The following DNAH10 variants were observed in gnomAD, a reference collection of about 807,000 sequenced individuals.
DNAH10 encodes dynein axonemal heavy chain 10.
DNAH10 carries 348 observed loss-of-function variants against 506.6 expected under a neutral mutation model. The ratio of observed to expected loss-of-function variants is 0.69; its 90% CI spans 0.63 to 0.75. The LOEUF is 0.75. Among genes scored for constraint, DNAH10 ranks in the 30% least tolerant of loss-of-function variants. The probability of loss-of-function intolerance (pLI) is 0.00; values close to 1 mark genes in which losing one functional copy is unlikely to be tolerated. For synonymous variants in DNAH10, 2,059 were observed against 2,198.6 expected (o/e 0.94, Z 1.78); for missense variants, 5,179 against 5,787.1 (o/e 0.89, Z 3.41).
At chr12:123,892,094 G>A (rs1953008892) in intron 52 of DNAH10, among the ~76,000 whole-genome samples, 1 of 152,248 alleles carries the variant, frequency 6.6e-6, no homozygotes, top group Non-Finnish European at 1.5e-5. Flanking sequence ...AGTCAGCATA[G>A]AATACGTTGC....
intron 18 of DNAH10, among the ~76,000 whole-genome samples, chr12:123,807,368 G>A (rs1482423478): frequency 2.0e-5 from 3 of 152,182 alleles, no homozygotes; most frequent in Admixed American, 6.5e-5. Context: ...TAAAAGAGAT[G>A]AGTTCTGTAA....
At chr12:123,782,449 G>A (rs1296277900) in intron 6 of DNAH10, among the ~76,000 whole-genome samples, 10 of 121,932 alleles carry the variant, frequency 8.2e-5, no homozygotes, top group Admixed American at 2.0e-4. Flanking sequence ...TCACTCTGCC[G>A]CCCAGGCTGG....
intron 74 of DNAH10, 22 bp downstream of exon 74, chr12:123,931,494 T>C (rs777457681): frequency 6.2e-7 from 1 of 1,611,328 alleles, no homozygotes; most frequent in East Asian, 2.2e-5. Flanking sequence ...TCAGGAGGAC[T>C]TCATTAGTTT....
chr12:123,762,618 G>C lies in DNAH10; in HGVS notation c.214+68G>C, dbSNP rs913836272. 6.9e-7 allele frequency: 1 copy of C among 1,459,372 alleles called. No homozygotes were observed. The highest frequency in any genetic ancestry group is 1.4e-5 in the African/African-American group (1 of 69,328). The allele number at this position is 1,459,372 out of a possible 1,614,324, so 90.4% of individuals were successfully genotyped here. On this transcript the variant is annotated intron_variant, in intron 1 of 78. Coordinates refer to ENST00000673944, the MANE Select transcript of DNAH10 (RefSeq NM_001372106.1). This position sits in a 1 kb window ranked among gnomAD's most constrained non-coding sequence, Gnocchi z 5.0. Reference sequence around the variant, plus strand: ...GCCCGTCCCGGCCTCTCCGGCGGGCGCCGGGGCTGCTAGAGCCTGCCCATC... The same window carrying C: ...GCCCGTCCCGGCCTCTCCGGCGGGCCCCGGGGCTGCTAGAGCCTGCCCATC...
chr12:123,898,189 A>G (rs1566067580), intron 55 of DNAH10, among the ~76,000 whole-genome samples: 1 of 152,154 alleles, frequency 6.6e-6, no homozygotes, highest in Non-Finnish European at 1.5e-5. Context: ...GAAGCTTTAC[A>G]TTTTGATCAC....
At chr12:123,910,986 A>G (rs141482807) in intron 59 of DNAH10, among the ~76,000 whole-genome samples, 1,776 of 151,918 alleles carry the variant, frequency 0.012, 28 homozygotes, top group African/African-American at 0.039. Context: ...TGGGAGGATC[A>G]CTTGAGCCCA....
chr12:123,893,111 A>G, intron 52 of DNAH10, 122 bp from the exon 53 acceptor site: 1 of 1,054,820 alleles, frequency 9.5e-7, no homozygotes, highest in Non-Finnish European at 1.4e-6. Context: ...GGTCAGGCCC[A>G]CACGCTGCTC....
chr12:123,786,006 C>T, intron 9 of DNAH10, 70 bp downstream of exon 9: 1 of 1,431,586 alleles, frequency 7.0e-7, no homozygotes, highest in South Asian at 1.3e-5. Context: ...TCTTAAACAG[C>T]TCTATTGAGC....
chr12:123,816,582 C>G (rs1248504975), intron 21 of DNAH10, among the ~76,000 whole-genome samples: 3 of 152,132 alleles, frequency 2.0e-5, no homozygotes, highest in African/African-American at 7.2e-5. Context: ...TGAGTTGTGT[C>G]TTTTATAATA....
Position 123,903,254 on chromosome 12 carries a change from T to A in DNAH10, c.9815+141T>A. ...GCCTGGCTCTCTCCATGGTGGAGAC[T>A]GTTGTTGCCCTCATTTTCGGATGGG... is the stretch of plus-strand genomic sequence containing the variant. On this transcript the variant is annotated intron_variant, in intron 57 of 78. Transcript: ENST00000673944. This position sits in a 1 kb window ranked among gnomAD's most constrained non-coding sequence, Gnocchi z 4.6. 1 of 1,187,404 alleles carries A rather than the reference T, an allele frequency of 8.4e-7. No individual in the cohort carries two copies. The highest frequency in any genetic ancestry group is 1.1e-6 in the Non-Finnish European group (1 of 878,970). 73.6% of individuals were successfully genotyped at this position (1,187,404 alleles called of 1,614,324 possible).
chr12:123,833,030 G>A, intron 26 of DNAH10, 84 bp from the exon 27 acceptor site: 3 of 1,040,032 alleles, frequency 2.9e-6, no homozygotes, highest in Non-Finnish European at 4.3e-6. Context: ...TTGGCCAAAA[G>A]CAAGCTAAGG....
chr12:123,887,798 G>A (rs1406107262), intron 52 of DNAH10, among the ~76,000 whole-genome samples: 1 of 151,178 alleles, frequency 6.6e-6, no homozygotes, highest in African/African-American at 2.4e-5. Context: ...AGGCTGGAGT[G>A]CAGTGGCGTG....
rs761974459 is a variant in DNAH10 at position 123,771,691 on chromosome 12, C to T, written c.389C>T (p.Pro130Leu). ...EMDKEISEKLPSKRTAKHIME... is the reference protein window; with the variant it reads ...EMDKEISEKLLSKRTAKHIME... ...GACAAAGAGATTTCAGAAAAACTCC[C>T]TTCCAAAGTAAGCATGGCTCTTTGT... is the stretch of plus-strand genomic sequence containing the variant. The change falls in exon 3 of 79, where the codon CCT (proline) becomes CTT (leucine). Residue 130 changes from proline (P) to leucine (L), a missense_variant. Pro to Leu is a moderately conservative substitution (Grantham distance 98). Coordinates refer to ENST00000673944, the MANE Select transcript of DNAH10 (RefSeq NM_001372106.1). The T allele has an allele frequency of 1.2e-6, 2 of 1,610,458 alleles. No homozygotes were observed. Among genetic ancestry groups the T allele is most frequent in the South Asian group, 2.2e-5 (2 of 89,972 alleles).
chr12:123,874,278 TCCATCCATC>T (rs1952153017), intron 46 of DNAH10, among the ~76,000 whole-genome samples: 1 of 142,850 alleles, frequency 7.0e-6, no homozygotes, highest in African/African-American at 2.8e-5. Flanking sequence ...CATCCATCCA[TCCATCCATC>T]CATCCATCCA....
At chr12:123,771,131 G>A (rs768623301) in intron 2 of DNAH10, among the ~76,000 whole-genome samples, 2 of 152,026 alleles carry the variant, frequency 1.3e-5, no homozygotes, top group African/African-American at 2.4e-5. Context: ...CACCATGTCC[G>A]GCTAATTTTT....
intron 1 of DNAH10, among the ~76,000 whole-genome samples, chr12:123,763,538 T>C (rs1411705358): frequency 2.0e-5 from 3 of 151,604 alleles, no homozygotes; most frequent in Non-Finnish European, 2.9e-5. Flanking sequence ...CCAGGCAGAT[T>C]CATTTATTGT....
intron 21 of DNAH10, among the ~76,000 whole-genome samples, chr12:123,814,646 G>A (rs1249425215): frequency 2.3e-5 from 3 of 131,238 alleles, no homozygotes; most frequent in South Asian, 2.3e-4. Flanking sequence ...ACGGAGTCTC[G>A]CTCTGTCGCC....
rs758903053 is a variant in DNAH10, at chr12:123,781,127, C to T, written c.669C>T (p.Thr223=). The T allele has an allele frequency of 3.7e-5, 60 of 1,613,748 alleles. No homozygotes were observed. Among genetic ancestry groups the T allele is most frequent in the Non-Finnish European group, 4.2e-5 (50 of 1,179,914 alleles). ...TCAATCAGCACAGGACGAGTACAAC[C>T]GTGGGAGTCACATCTGGAGAAGTCT... The part of the protein sequence containing the change: ...LSFNQHRTST[T]VGVTSGEVSN... Residue 223 remains threonine (T), a synonymous_variant, in exon 6 of 79, where the codon ACC becomes ACT. Transcript: ENST00000673944.
chr12:123,829,655 G>T (rs1315107128), intron 25 of DNAH10, among the ~76,000 whole-genome samples: 2 of 152,156 alleles, frequency 1.3e-5, no homozygotes, highest in Non-Finnish European at 2.9e-5. Context: ...GCTAGGCCAG[G>T]GGGTTCAGAG....
Sources: gnomAD v4.1 joint callset for allele counts (sites outside exome capture counted in the v4.1 genomes callset) on GRCh38, gnomAD v4.1.1 for gene constraint, Gnocchi (gnomAD v3.1) non-coding constraint, MANE v1.5 for transcripts, NCBI Gene and HGNC (gene_info 2026-07-23, HGNC 2026-07-21) for gene names.